Variants in NPAS3 observed in about 807,000 individuals in gnomAD.
NPAS3 encodes the protein neuronal PAS domain protein 3.
NPAS3 carries 14 observed loss-of-function variants against 73.1 expected under a neutral mutation model. The observed-to-expected ratio is 0.19, with a 90% CI of 0.13 to 0.30. The LOEUF (loss-of-function observed/expected upper bound fraction) is 0.30. NPAS3 is among the 10% of genes least tolerant of loss of function. NPAS3 has a pLI of 1.00. For synonymous variants in NPAS3, 620 were observed against 541.5 expected (o/e 1.14, Z -2.01); for missense variants, 1,096 against 1,250.0 (o/e 0.88, Z 1.86).
intron 2 of NPAS3, among the ~76,000 whole-genome samples, chr14:33,178,383 TTTACA>T (rs1455046723): frequency 2.6e-5 from 4 of 152,166 alleles, no homozygotes; most frequent in Non-Finnish European, 5.9e-5. Context: ...GAAGTGAATC[TTTACA>T]TTGCTTTGGG....
At chr14:33,540,125 T>C (rs1349724324) in intron 4 of NPAS3, among the ~76,000 whole-genome samples, 1 of 152,196 alleles carries the variant, frequency 6.6e-6, no homozygotes, top group Non-Finnish European at 1.5e-5. Context: ...ATTCCCTTGT[T>C]CTATGTTTAG....
At chr14:32,970,687 TC>T (rs1206067896) in intron 1 of NPAS3, among the ~76,000 whole-genome samples, 2 of 152,134 alleles carry the variant, frequency 1.3e-5, no homozygotes, top group African/African-American at 4.8e-5. Context: ...GTTCCATGCC[TC>T]CCTCTTACCT....
At chr14:33,230,858 A>G (rs1225032835) in intron 3 of NPAS3, among the ~76,000 whole-genome samples, 1 of 152,244 alleles carries the variant, frequency 6.6e-6, no homozygotes, top group Non-Finnish European at 1.5e-5. Context: ...TGCTCCAGTC[A>G]GAATGCAAAC....
chr14:33,246,138 C>T (rs2048365786), intron 3 of NPAS3, among the ~76,000 whole-genome samples: 1 of 152,104 alleles, frequency 6.6e-6, no homozygotes, highest in African/African-American at 2.4e-5. Flanking sequence ...GCCTCAATTT[C>T]CGTCTCTGTG....
rs540486668 is a variant in NPAS3 at position 33,341,268 on chromosome 14, G to T, written c.386-25918G>T. Reference sequence around the variant, plus strand: ...TATACATTTTAGTGGTACCTGCTGAGTTTTGGGTGTTTATAACTTGGCCAT... The same window carrying T: ...TATACATTTTAGTGGTACCTGCTGATTTTTGGGTGTTTATAACTTGGCCAT... On this transcript the variant is annotated intron_variant, in intron 3 of 11. Transcript: ENST00000356141. Among the ~76,000 whole-genome samples, 5 of 152,246 alleles carry T rather than the reference G, an allele frequency of 3.3e-5. No homozygotes were observed. In the East Asian group the frequency reaches 9.7e-4, roughly 29 times the overall value.
intron 2 of NPAS3, among the ~76,000 whole-genome samples, chr14:33,185,718 T>C (rs1024169748): frequency 2.0e-5 from 3 of 152,076 alleles, no homozygotes; most frequent in Admixed American, 6.6e-5. Context: ...TGGACCTTAT[T>C]GTAATACTGG....
chr14:33,401,633 G>A (rs1322508778), intron 4 of NPAS3, among the ~76,000 whole-genome samples: 1 of 151,966 alleles, frequency 6.6e-6, no homozygotes, highest in East Asian at 1.9e-4. Context: ...ATTTTTAAAG[G>A]TTAATTGAAA....
At chr14:33,411,673 C>A (rs746080558) in intron 4 of NPAS3, among the ~76,000 whole-genome samples, 5 of 152,128 alleles carry the variant, frequency 3.3e-5, no homozygotes, top group Non-Finnish European at 7.4e-5. Context: ...AATCTCAGAC[C>A]AGCTCTTTAA....
intron 5 of NPAS3, among the ~76,000 whole-genome samples, chr14:33,609,864 C>T (rs1291593321): frequency 6.6e-6 from 1 of 152,156 alleles, no homozygotes; most frequent in Non-Finnish European, 1.5e-5. Flanking sequence ...AGCATCATCC[C>T]CCAGATGTCC....
chr14:33,803,452 G>C (rs1276421395), downstream of NPAS3: 1 of 152,180 alleles, frequency 6.6e-6, no homozygotes, highest in African/African-American at 2.4e-5. Context: ...AATTTTAATA[G>C]TGAGCTTACT....
rs116287114 is a variant in NPAS3, at chr14:33,363,455, A to G, written c.386-3731A>G. Among the ~76,000 whole-genome samples the G allele has an allele frequency of 6.8e-3, 1,032 of 152,312 alleles. 12 individuals are homozygous for G. The highest frequency in any genetic ancestry group is 0.024 in the African/African-American group (988 of 41,566). On this transcript the variant is annotated intron_variant, in intron 3 of 11. Coordinates refer to ENST00000356141, the Ensembl canonical transcript of NPAS3. ...GCCAAATGCACAGTCTTAGTGATTC[A>G]TCGGATCATTTTGGATTTCTGAGAC...
At chr14:33,086,792 A>G (rs189781538) in intron 2 of NPAS3, among the ~76,000 whole-genome samples, 23 of 152,238 alleles carry the variant, frequency 1.5e-4, no homozygotes, top group African/African-American at 2.2e-4. Context: ...AGTATGGCCT[A>G]GTGAGTAGAG....
chr14:33,407,481 C>A (rs1471202269), intron 4 of NPAS3, among the ~76,000 whole-genome samples: 1 of 152,022 alleles, frequency 6.6e-6, no homozygotes, highest in Non-Finnish European at 1.5e-5. Flanking sequence ...AGGTAAATTT[C>A]TTCCAATTTT....
At chr14:33,668,493 G>GTTTTCCTAATCCAGT (rs1471863500) in intron 5 of NPAS3, among the ~76,000 whole-genome samples, 3 of 152,138 alleles carry the variant, frequency 2.0e-5, no homozygotes, top group Non-Finnish European at 4.4e-5. Flanking sequence ...AATTATTATG[G>GTTTTCCTAATCCAGT]TTTTCCTAAT....
intron 5 of NPAS3, among the ~76,000 whole-genome samples, chr14:33,602,373 G>A (rs139521096): frequency 3.9e-5 from 6 of 152,210 alleles, no homozygotes; most frequent in Admixed American, 3.3e-4. Context: ...GGGTCTTGTC[G>A]AGCAAGTGGC....
chr14:33,135,997 G>A (rs1414783427), intron 2 of NPAS3, among the ~76,000 whole-genome samples: 1 of 151,762 alleles, frequency 6.6e-6, no homozygotes, highest in East Asian at 1.9e-4. Context: ...AAGTAGACAT[G>A]GTGTAAGTGG....
At chr14:33,030,548 G>A (rs2039953406) in intron 1 of NPAS3, among the ~76,000 whole-genome samples, 1 of 152,160 alleles carries the variant, frequency 6.6e-6, no homozygotes, top group South Asian at 2.1e-4. Flanking sequence ...TATTCTGGCA[G>A]TCATTCAGTG....
At chr14:33,265,203 C>T (rs2049125298) in intron 3 of NPAS3, among the ~76,000 whole-genome samples, 2 of 152,212 alleles carry the variant, frequency 1.3e-5, no homozygotes, top group African/African-American at 4.8e-5. Flanking sequence ...GCAATAAGGA[C>T]AATCCCTAAC....
At position 33,668,579 on chromosome 14, in the gene NPAS3, G is replaced by A. The variant is rs1056483136; in HGVS notation, c.559-7632G>A. On this transcript the variant is annotated intron_variant, in intron 5 of 11. Coordinates refer to ENST00000356141, the Ensembl canonical transcript of NPAS3. ...GCCTGTAATCCCAGCACTTTGGGAC[G>A]TTGAGGCAGGCCGATCACTTGAGGC... 2.0e-5 allele frequency among the ~76,000 whole-genome samples: 3 copies of A among 152,188 alleles called. 1 individual carries two copies. The highest frequency in any genetic ancestry group is 2.1e-4 in the South Asian group (1 of 4,828).
Sources: allele counts gnomAD v4.1 joint callset (sites outside exome capture counted in the v4.1 genomes callset), GRCh38; gene constraint gnomAD v4.1.1; transcripts MANE v1.5; gene names NCBI Gene and HGNC (gene_info 2026-07-23, HGNC 2026-07-21).